MEAF6: variants seen among roughly 807,000 people sequenced by gnomAD.
MEAF6 encodes chromatin modification-related protein MEAF6.
Under a neutral mutation model 28.9 loss-of-function variants are expected in MEAF6, and 15 were observed. The ratio of observed to expected loss-of-function variants is 0.52; its 90% confidence interval spans 0.35 to 0.80. The LOEUF (loss-of-function observed/expected upper bound fraction) is 0.80. MEAF6 is among the 30% of genes least tolerant of loss of function. The pLI, the probability that MEAF6 is intolerant of heterozygous loss-of-function variation, is 0.01. For synonymous variants in MEAF6, 97 were observed against 88.7 expected (o/e 1.09, Z -0.53); for missense variants, 178 against 237.5 (o/e 0.75, Z 1.65).
intron 6 of MEAF6, among the ~76,000 whole-genome samples, 181 bp downstream of exon 6, chr1:37,495,704 C>CAAAAAAAAA (rs1217893546): frequency 6.2e-5 from 4 of 64,452 alleles, no homozygotes; most frequent in African/African-American, 1.1e-4. Flanking sequence ...AAACAAAAAA[C>CAAAAAAAAA]AAAAAAAAAA....
At chr1:37,513,272 G>GGCAGT in intron 2 of MEAF6, 151 bp downstream of exon 2, 1 of 624,830 alleles carries the variant, frequency 1.6e-6, no homozygotes, top group East Asian at 2.7e-5. Flanking sequence ...TATTCGGTGA[G>GGCAGT]GCAGTGCCTG....
chr1:37,511,270 G>A (rs555639582), intron 2 of MEAF6, among the ~76,000 whole-genome samples: 6 of 152,194 alleles, frequency 3.9e-5, no homozygotes, highest in African/African-American at 7.2e-5. Flanking sequence ...GCTTGAGGAG[G>A]CTCCCTCTGA....
chr1:37,511,552 T>C (rs12118556), intron 2 of MEAF6, among the ~76,000 whole-genome samples: 19,902 of 152,258 alleles, frequency 0.13, 1,598 homozygotes, highest in South Asian at 0.17. Context: ...TGAACTTTTA[T>C]AGCAGATAAA....
chr1:37,504,269 G>GT (rs376608585), intron 4 of MEAF6, among the ~76,000 whole-genome samples: 7 of 152,318 alleles, frequency 4.6e-5, no homozygotes, highest in African/African-American at 1.7e-4. Flanking sequence ...ATGTAGAACT[G>GT]TGAGTCAATT....
chr1:37,509,418 C>G (rs771804370), intron 3 of MEAF6, 37 bp downstream of exon 3: 3 of 1,610,406 alleles, frequency 1.9e-6, no homozygotes, highest in Middle Eastern at 1.7e-4. Context: ...TCCCCAACAA[C>G]AGGCCAAAGA....
intron 4 of MEAF6, among the ~76,000 whole-genome samples, chr1:37,503,658 CAAAAAAAAAAAAA>C (rs773565571): frequency 1.9e-4 from 9 of 47,926 alleles, no homozygotes; most frequent in African/African-American, 7.4e-4. Flanking sequence ...AAGACTGTCT[CAAAAAAAAAAAAA>C]AAAAAAAAAA....
At position 37,492,236 on chromosome 1, in the gene MEAF6, G is replaced by A. The variant is rs537746680; in HGVS notation, c.*1863C>T. 6.3e-4 allele frequency among the ~76,000 whole-genome samples: 95 copies of A among 151,988 alleles called. No homozygotes were observed. The highest frequency in any genetic ancestry group is 2.1e-3 in the African/African-American group (89 of 41,446). On this transcript the variant is annotated 3_prime_UTR_variant, in exon 7 of 7. Transcript: ENST00000296214. ...GTAGAGATGGGGTTTCACTGTGTTC[G>A]CCAGGATGGTCTCGATCTCCTGACC...
intron 4 of MEAF6, among the ~76,000 whole-genome samples, chr1:37,502,501 G>A (rs1642344363): frequency 6.6e-6 from 1 of 150,964 alleles, no homozygotes; most frequent in African/African-American, 2.4e-5. Flanking sequence ...GGCCAAAGAG[G>A]GAGAAGACAG....
Position 37,514,673 on chromosome 1 carries a change from C to T in MEAF6, c.74G>A (p.Arg25Gln). ...GCCCCTCACCGCCAGCTCCTGCTTC[C>T]GCTTCACGAGCTCCGCCAGCTCCCG... ...TRRELAELVK[R>Q]KQELAETLAN... The change falls in exon 1 of 7, where the codon CGG becomes CAG. Residue 25 changes from arginine to glutamine, a missense_variant. Around this residue, in one of 2 missense-constraint regions of MEAF6, gnomAD observed 54 missense variants for 37.0 expected, o/e 1.46. Coordinates refer to ENST00000296214, the MANE Select transcript of MEAF6 (RefSeq NM_001270875.3). 6.5e-7 allele frequency: 1 copy of T among 1,542,598 alleles called. No individual in the cohort carries two copies.
At chr1:37,503,280 T>A (rs1041329066) in intron 4 of MEAF6, among the ~76,000 whole-genome samples, 1 of 152,188 alleles carries the variant, frequency 6.6e-6, no homozygotes, top group Non-Finnish European at 1.5e-5. Flanking sequence ...CTGACACATA[T>A]TCTCAATTTT....
intron 5 of MEAF6, among the ~76,000 whole-genome samples, chr1:37,499,365 A>C (rs890114598): frequency 6.6e-6 from 1 of 152,180 alleles, no homozygotes. Flanking sequence ...CTGGGTACAA[A>C]CTTAACAATG....
At chr1:37,494,128 G>T (rs1435483533) in intron 6 of MEAF6, 21 bp from the exon 7 acceptor site, 1 of 1,603,034 alleles carries the variant, frequency 6.2e-7, no homozygotes, top group African/African-American at 1.3e-5. Context: ...AAAAACAAAA[G>T]TCCCAACTTA....
chr1:37,496,792 T>A, intron 5 of MEAF6: 3 of 1,543,952 alleles, frequency 1.9e-6, no homozygotes, highest in South Asian at 1.3e-5. Flanking sequence ...ACTAATTGAA[T>A]AAATTAGTCG....
rs540633428 is a variant in MEAF6 at position 37,506,135 on chromosome 1, G to A, written c.340+3143C>T. On this transcript the variant is annotated intron_variant, in intron 4 of 6. Coordinates refer to ENST00000296214, the MANE Select transcript of MEAF6 (RefSeq NM_001270875.3). Reference sequence around the variant, plus strand: ...AAAATACAAAAATTAGCTGGGCATGGTGGCGCGTGCCTGTCGTCCCAGCTA... The same window carrying A: ...AAAATACAAAAATTAGCTGGGCATGATGGCGCGTGCCTGTCGTCCCAGCTA... 3.1e-4 allele frequency among the ~76,000 whole-genome samples: 47 copies of A among 152,246 alleles called. No individual in the cohort carries two copies. In the South Asian group the frequency reaches 5.2e-3, roughly 17 times the overall value.
rs1557603824 is a variant in MEAF6, at chr1:37,495,691, AAAAAAC to A, written c.567+188_567+193del. On this transcript the variant is annotated intron_variant, in intron 6 of 6. Coordinates refer to ENST00000296214, the MANE Select transcript of MEAF6 (RefSeq NM_001270875.3). Reference sequence around the variant, plus strand: ...GAGCAAGAAACTGTCTCTCAAAAAAAAAAAACAAAAAACAAAAAAAAAAAAAAACAA... The same window carrying A: ...GAGCAAGAAACTGTCTCTCAAAAAAAAAAAAACAAAAAAAAAAAAAAACAA... Among the ~76,000 whole-genome samples the A allele has an allele frequency of 7.5e-4, 82 of 109,224 alleles. 2 individuals carry two copies. Among genetic ancestry groups the A allele is most frequent in the African/African-American group, 2.5e-3 (77 of 31,328 alleles). 71.7% of individuals were successfully genotyped at this position (109,224 alleles called of 152,430 possible). A position where few individuals can be genotyped will look rare whatever the true frequency, so the allele number is the denominator to read the frequency against.
chr1:37,503,093 C>G (rs993559005), intron 4 of MEAF6, among the ~76,000 whole-genome samples: 3 of 151,700 alleles, frequency 2.0e-5, no homozygotes, highest in African/African-American at 7.3e-5. Flanking sequence ...CCGGCACATG[C>G]CACCACACTT....
chr1:37,491,444 T>C lies in MEAF6; in HGVS notation c.*2655A>G, dbSNP rs1201846886. ...TGCTTGATACCTATAATCCCAGCACTTTGGGAGGCCAAGGCAGAAGGACTG... is the reference window on the plus strand; with the variant it reads ...TGCTTGATACCTATAATCCCAGCACCTTGGGAGGCCAAGGCAGAAGGACTG... On this transcript the variant is annotated 3_prime_UTR_variant, in exon 7 of 7. Coordinates refer to ENST00000296214, the MANE Select transcript of MEAF6 (RefSeq NM_001270875.3). Among the ~76,000 whole-genome samples the C allele has an allele frequency of 6.6e-6, 1 of 152,170 alleles. No individual in the cohort carries two copies. The highest frequency in any genetic ancestry group is 1.9e-4 in the East Asian group (1 of 5,190).
chr1:37,498,628 C>A (rs1642197224), intron 5 of MEAF6, among the ~76,000 whole-genome samples: 3 of 151,570 alleles, frequency 2.0e-5, no homozygotes. Context: ...GGGAGTCTCG[C>A]CATGTTGCCC....
chr1:37,506,538 C>CTTTTG (rs199601479), intron 4 of MEAF6, among the ~76,000 whole-genome samples: 9 of 151,994 alleles, frequency 5.9e-5, no homozygotes, highest in East Asian at 1.9e-4. Flanking sequence ...CGTCCAGCTA[C>CTTTTG]TTTTGTTTTG....
Sources: allele counts gnomAD v4.1 joint callset (sites outside exome capture counted in the v4.1 genomes callset), GRCh38; gene constraint gnomAD v4.1.1; regional missense constraint gnomAD v4.1.1; transcripts MANE v1.5; gene names NCBI Gene and HGNC (gene_info 2026-07-23, HGNC 2026-07-21).